Variants in CENPQ observed in about 807,000 individuals in gnomAD.
CENPQ encodes chromosome 6 open reading frame 139.
Under a neutral mutation model 36.6 loss-of-function variants are expected in CENPQ, and 27 were observed. The observed-to-expected ratio is 0.74, with a 90% CI of 0.54 to 1.02. The LOEUF (loss-of-function observed/expected upper bound fraction) is 1.02. CENPQ is among the 50% of genes least tolerant of loss of function. The pLI, the probability that CENPQ is intolerant of heterozygous loss-of-function variation, is 0.00. For missense variants in CENPQ, 306 were observed against 301.8 expected (o/e 1.01, Z -0.10); for synonymous variants, 101 against 101.7 (o/e 0.99, Z 0.04).
intron 6 of CENPQ, among the ~76,000 whole-genome samples, chr6:49,483,170 AC>A (rs1355844638): frequency 8.5e-5 from 13 of 152,262 alleles, no homozygotes; most frequent in African/African-American, 3.1e-4. Context: ...CCACGTCCCC[AC>A]CAGAGTAGCT....
rs1768628650 is a variant in CENPQ at position 49,487,895 on chromosome 6, C to T, written c.478-457C>T. 2.0e-5 allele frequency among the ~76,000 whole-genome samples: 3 copies of T among 151,986 alleles called. No individual in the cohort carries two copies. In the South Asian group the frequency reaches 6.2e-4, roughly 32 times the overall value. On this transcript the variant is annotated intron_variant, in intron 6 of 8. Transcript: ENST00000335783. ...TTTTTTATTCTCCCTGCTCTAATGC[C>T]CAACATTACTTCCTTTTGACAAATT... is the stretch of plus-strand genomic sequence containing the variant.
chr6:49,471,015 T>A lies in CENPQ; in HGVS notation c.144T>A (p.Asp48Glu). The stretch of plus-strand genomic sequence containing the variant: ...AAAAAAATAAAAATCATCTGAAAGA[T>A]CTGTCTTCTGAAGGTATTTCTTTTC... ...TVKKNKNHLK[D>E]LSSEGQTKHT... Residue 48 changes from aspartate to glutamate, a missense_variant, in exon 3 of 9, where the codon GAT (aspartate) becomes GAA (glutamate). By Grantham distance (45) the Asp-to-Glu change is conservative. Transcript: ENST00000335783. The A allele has an allele frequency of 6.6e-7, 1 of 1,525,270 alleles. No homozygotes were observed. The highest frequency in any genetic ancestry group is 8.9e-7 in the Non-Finnish European group (1 of 1,129,064). 94.5% of individuals were successfully genotyped at this position (1,525,270 alleles called of 1,614,324 possible).
intron 1 of CENPQ, among the ~76,000 whole-genome samples, chr6:49,465,479 C>T (rs1214016642): frequency 6.6e-6 from 1 of 152,202 alleles, no homozygotes; most frequent in African/African-American, 2.4e-5. Context: ...ATATGAAAGT[C>T]CTAGATAGCA....
At chr6:49,476,229 G>A (rs370582653) in intron 5 of CENPQ, among the ~76,000 whole-genome samples, 1 of 151,996 alleles carries the variant, frequency 6.6e-6, no homozygotes, top group African/African-American at 2.4e-5. Flanking sequence ...AACAGAGATA[G>A]AGACCAATGG....
Position 49,492,171 on chromosome 6 carries a change from C to G in CENPQ, c.703C>G (p.Gln235Glu). The stretch of plus-strand genomic sequence containing the variant: ...AGAAATTTTGGCGCTAATTCCAAAC[C>G]AGAATGCTCTTCTAAAGGACTTGGA... ...QKEILALIPN[Q>E]NALLKDLDIL... Residue 235 changes from glutamine to glutamate, a missense_variant, in exon 9 of 9, where the codon CAG becomes GAG. Transcript: ENST00000335783. The G allele has an allele frequency of 6.2e-7, 1 of 1,603,848 alleles. No individual in the cohort carries two copies.
At chr6:49,476,982 C>T (rs578179209) in intron 5 of CENPQ, among the ~76,000 whole-genome samples, 1 of 152,302 alleles carries the variant, frequency 6.6e-6, no homozygotes, top group South Asian at 2.1e-4. Context: ...GGACTGTAAA[C>T]TAGTTCAACC....
At chr6:49,490,594 C>T (rs1768697868) in intron 8 of CENPQ, among the ~76,000 whole-genome samples, 1 of 152,226 alleles carries the variant, frequency 6.6e-6, no homozygotes, top group African/African-American at 2.4e-5. Flanking sequence ...GGGCGTTTGG[C>T]ACAAGAGGCC....
chr6:49,470,076 T>C (rs1176916218), intron 1 of CENPQ, 83 bp from the exon 2 acceptor site: 2 of 614,372 alleles, frequency 3.3e-6, no homozygotes, highest in African/African-American at 2.0e-5. Context: ...ATTTACAGGA[T>C]AGTTTTTTAA....
chr6:49,471,847 A>G (rs1313488163), intron 3 of CENPQ, among the ~76,000 whole-genome samples: 1 of 152,208 alleles, frequency 6.6e-6, no homozygotes, highest in African/African-American at 2.4e-5. Flanking sequence ...ATCACTTGGT[A>G]GTATTTCTGT....
chr6:49,492,037 T>C (rs28415595), intron 8 of CENPQ, 107 bp from the exon 9 acceptor site: 1 of 812,400 alleles, frequency 1.2e-6, no homozygotes, highest in Admixed American at 3.2e-5. Context: ...ATTATTGAAG[T>C]TGGATGATAG....
intron 5 of CENPQ, among the ~76,000 whole-genome samples, chr6:49,480,682 T>A (rs1465987997): frequency 6.6e-6 from 1 of 151,870 alleles, no homozygotes; most frequent in East Asian, 1.9e-4. Flanking sequence ...AAAATGTATA[T>A]AAATTGTCAA....
At chr6:49,468,357 C>G (rs1185984015) in intron 1 of CENPQ, among the ~76,000 whole-genome samples, 1 of 151,864 alleles carries the variant, frequency 6.6e-6, no homozygotes, top group African/African-American at 2.4e-5. Context: ...CTTTGGGAGA[C>G]CGAGGCAGGA....
rs372250058 is a variant in CENPQ at position 49,492,208 on chromosome 6, A to G, written c.740A>G (p.Asn247Ser). 4 of 1,608,446 alleles carry G rather than the reference A, an allele frequency of 2.5e-6. No homozygotes were observed. Among genetic ancestry groups the G allele is most frequent in the Non-Finnish European group, 3.4e-6 (4 of 1,177,554 alleles). The change falls in exon 9 of 9, where the codon AAT (asparagine) becomes AGT (serine). Residue 247 changes from asparagine (N) to serine (S), a missense_variant. Physicochemically the swap from Asn to Ser is conservative, Grantham distance 46. Transcript: ENST00000335783. ...CTAAAGGACTTGGATATTCTTCATA[A>G]TTCATCACAGATGAAGAGCATGTCA... The part of the protein sequence containing the change: ...ALLKDLDILH[N>S]SSQMKSMSTF...
chr6:49,479,547 T>G (rs944916470), intron 5 of CENPQ, among the ~76,000 whole-genome samples: 1 of 152,154 alleles, frequency 6.6e-6, no homozygotes, highest in Non-Finnish European at 1.5e-5. Flanking sequence ...TGTAAATTAG[T>G]TCAACCATTG....
intron 5 of CENPQ, among the ~76,000 whole-genome samples, chr6:49,478,144 A>G (rs1416708088): frequency 2.0e-5 from 3 of 152,178 alleles, no homozygotes; most frequent in Admixed American, 6.5e-5. Context: ...AGTTACTTCT[A>G]CCAATACAAC....
intron 5 of CENPQ, among the ~76,000 whole-genome samples, chr6:49,475,914 G>A (rs941210510): frequency 2.6e-5 from 4 of 152,060 alleles, no homozygotes; most frequent in Admixed American, 6.5e-5. Flanking sequence ...ACTGCTCAAC[G>A]AAATAAAAGA....
chr6:49,487,362 C>G (rs1485518616), intron 6 of CENPQ, among the ~76,000 whole-genome samples: 1 of 146,194 alleles, frequency 6.8e-6, no homozygotes, highest in Non-Finnish European at 1.5e-5. Context: ...GAGGTTTTGA[C>G]CAATCTTTTA....
At chr6:49,468,545 C>T (rs781737266) in intron 1 of CENPQ, among the ~76,000 whole-genome samples, 60 of 151,726 alleles carry the variant, frequency 4.0e-4, no homozygotes, top group African/African-American at 1.1e-3. Context: ...AGCAGTGAGC[C>T]GAGATCGCAC....
intron 3 of CENPQ, 30 bp from the exon 4 acceptor site, chr6:49,472,033 G>T: frequency 6.3e-7 from 1 of 1,585,376 alleles, no homozygotes; most frequent in South Asian, 1.2e-5. Context: ...CATCTAGATT[G>T]ATCAGAGCCT....
Sources: allele counts gnomAD v4.1 joint callset (sites outside exome capture counted in the v4.1 genomes callset), GRCh38; gene constraint gnomAD v4.1.1; transcripts MANE v1.5; gene names NCBI Gene and HGNC (gene_info 2026-07-23, HGNC 2026-07-21).